PPFIBP1: variants seen among roughly 807,000 people sequenced by gnomAD.
The protein encoded by PPFIBP1 is liprin-beta-1.
PPFIBP1 carries 112 observed loss-of-function variants against 137.8 expected under a neutral mutation model. That is an observed-to-expected ratio of 0.81 (90% CI 0.70 to 0.95). The LOEUF (loss-of-function observed/expected upper bound fraction) is 0.95. Among genes scored for constraint, PPFIBP1 ranks in the 40% least tolerant of loss-of-function variants. The pLI is 0.00. For missense variants in PPFIBP1, 1,083 were observed against 1,196.6 expected, an observed-to-expected ratio of 0.91 and a Z score of 1.40; for synonymous variants, 378 against 417.3, an observed-to-expected ratio of 0.91 and a Z score of 1.15.
chr12:27,550,183 G>A (rs1172420032), intron 1 of PPFIBP1, among the ~76,000 whole-genome samples: 1 of 152,214 alleles, frequency 6.6e-6, no homozygotes, highest in Non-Finnish European at 1.5e-5. Context: ...CAGGGAGCTG[G>A]ACTCTATCAG....
rs545067406 is a variant in PPFIBP1, at chr12:27,669,893, A to G, written c.1147-1538A>G. 2.6e-5 allele frequency among the ~76,000 whole-genome samples: 4 copies of G among 152,290 alleles called. No homozygotes were observed. The South Asian group carries it at 8.3e-4, about 32-fold the overall frequency. ...CCAGTACATTCTCTTCTAGCTGATC[A>G]TATGTAGGGTTTTTGAGATGGTTGG... is the stretch of plus-strand genomic sequence containing the variant. On this transcript the variant is annotated intron_variant, in intron 13 of 29. Transcript: ENST00000228425.
At chr12:27,682,286 G>A in intron 22 of PPFIBP1, 101 bp from the exon 23 acceptor site, 2 of 802,946 alleles carry the variant, frequency 2.5e-6, no homozygotes, top group South Asian at 3.2e-5. Context: ...GTATTGAATT[G>A]GGTCTTTAAT....
intron 13 of PPFIBP1, among the ~76,000 whole-genome samples, chr12:27,668,029 G>A (rs936747358): frequency 6.6e-6 from 1 of 152,126 alleles, no homozygotes; most frequent in Non-Finnish European, 1.5e-5. Flanking sequence ...ATGAACAACT[G>A]ACAACATTAC....
At chr12:27,606,482 G>A (rs1406854784) in intron 2 of PPFIBP1, among the ~76,000 whole-genome samples, 4 of 152,178 alleles carry the variant, frequency 2.6e-5, no homozygotes, top group African/African-American at 9.7e-5. Flanking sequence ...CTATTTTGAT[G>A]TTTTCTTTTT....
In PPFIBP1 at chr12:27,660,888, C is replaced by T. The variant is rs759688929; in HGVS notation, c.849C>T (p.Ile283=). The T allele has an allele frequency of 6.2e-6, 10 of 1,612,812 alleles. No homozygotes were observed. The highest frequency in any genetic ancestry group is 1.1e-5 in the South Asian group (1 of 90,896). Residue 283 remains isoleucine, a synonymous_variant, in exon 11 of 30, where the codon ATC becomes ATT. Coordinates refer to ENST00000228425, the MANE Select transcript of PPFIBP1 (RefSeq NM_003622.4). The stretch of plus-strand genomic sequence containing the variant: ...CTGATTTGATGTTATTTTCAGACAT[C>T]GAAGTACAAAAAATGAAAAAAGCTG... ...NFKKKLKEKN[I]EVQKMKKAVE... is the part of the protein sequence containing the mutation.
chr12:27,674,994 TG>T (rs1225871504), intron 17 of PPFIBP1, among the ~76,000 whole-genome samples: 5 of 151,064 alleles, frequency 3.3e-5, no homozygotes, highest in African/African-American at 4.9e-5. Context: ...TTTTTTCGTT[TG>T]TTTTTTTTTT....
intron 4 of PPFIBP1, among the ~76,000 whole-genome samples, chr12:27,644,652 G>A (rs1280094082): frequency 6.6e-6 from 1 of 152,144 alleles, no homozygotes; most frequent in Non-Finnish European, 1.5e-5. Context: ...AATGGAAGTT[G>A]TCCAGGCCAC....
intron 13 of PPFIBP1, 33 bp downstream of exon 13, chr12:27,667,353 T>C (rs772430883): frequency 1.3e-6 from 2 of 1,521,586 alleles, no homozygotes; most frequent in Middle Eastern, 1.8e-4. Flanking sequence ...TCCTTTATGT[T>C]GAAGAGACTG....
At chr12:27,627,395 C>G (rs2056907880) in intron 2 of PPFIBP1, among the ~76,000 whole-genome samples, 1 of 152,142 alleles carries the variant, frequency 6.6e-6, no homozygotes. Flanking sequence ...GGCGTTCTAC[C>G]AGCATAGTCG....
Position 27,667,194 on chromosome 12 carries a change from C to T in PPFIBP1, c.1020C>T (p.Leu340=). ...KGKDGEYEEL[L]NSSSISSLLD... Reference sequence around the variant, plus strand: ...AAGATGGAGAATATGAAGAGCTGCTCAATTCCAGTTCCATCTCCTCTTTGC... The same window carrying T: ...AAGATGGAGAATATGAAGAGCTGCTTAATTCCAGTTCCATCTCCTCTTTGC... Residue 340 remains leucine, a synonymous_variant, in exon 13 of 30, where the codon CTC becomes CTT. Coordinates refer to ENST00000228425, the MANE Select transcript of PPFIBP1 (RefSeq NM_003622.4). The T allele has an allele frequency of 6.2e-7, 1 of 1,609,048 alleles. No individual in the cohort carries two copies. The highest frequency in any genetic ancestry group is 8.5e-7 in the Non-Finnish European group (1 of 1,177,880).
In PPFIBP1 at chr12:27,680,053, G is replaced by T. The variant is rs2060787529; in HGVS notation, c.1887G>T (p.Gln629His). ...TAGGTTGGTCTCGAGACTTGGGACA[G>T]TCTAACAGGTAAGAAGAGCCAACTG... ...PRLGWSRDLGQSNSDLDMPFA... is the reference protein window; with the variant it reads ...PRLGWSRDLGHSNSDLDMPFA... Residue 629 changes from glutamine (Q) to histidine (H), a missense_variant, in exon 21 of 30, where the codon CAG becomes CAT. By Grantham distance (24) the Gln-to-His change is conservative. Transcript: ENST00000228425. 6.2e-7 allele frequency: 1 copy of T among 1,613,896 alleles called. No homozygotes were observed. The highest frequency in any genetic ancestry group is 8.5e-7 in the Non-Finnish European group (1 of 1,179,932).
chr12:27,620,821 C>G (rs2056274998), intron 2 of PPFIBP1, among the ~76,000 whole-genome samples: 1 of 152,132 alleles, frequency 6.6e-6, no homozygotes, highest in South Asian at 2.1e-4. Context: ...TAATGTTATT[C>G]CTCTTGCTTG....
chr12:27,646,216 A>T, intron 5 of PPFIBP1, 68 bp downstream of exon 5: 2 of 1,251,394 alleles, frequency 1.6e-6, no homozygotes, highest in East Asian at 5.0e-5. Flanking sequence ...TTGGGGTGGC[A>T]AATTCAGATT....
chr12:27,529,913 C>A (rs989002946), intron 1 of PPFIBP1, among the ~76,000 whole-genome samples: 1 of 152,212 alleles, frequency 6.6e-6, no homozygotes, highest in Non-Finnish European at 1.5e-5. Context: ...TGCCTAGGAT[C>A]AAGCTCACTG....
At chr12:27,607,645 C>A (rs1222943422) in intron 2 of PPFIBP1, among the ~76,000 whole-genome samples, 1 of 152,276 alleles carries the variant, frequency 6.6e-6, no homozygotes, top group Non-Finnish European at 1.5e-5. Context: ...CTGGGGGCCA[C>A]ACTTTGAGAC....
At chr12:27,626,231 T>C (rs554003112) in intron 2 of PPFIBP1, among the ~76,000 whole-genome samples, 6 of 152,302 alleles carry the variant, frequency 3.9e-5, no homozygotes, top group South Asian at 4.1e-4. Flanking sequence ...ATCTCTAAAA[T>C]GTTGCACGCA....
chr12:27,667,229 A>G lies in PPFIBP1; in HGVS notation c.1055A>G (p.Gln352Arg), dbSNP rs766229824. 2.5e-6 allele frequency: 4 copies of G among 1,613,676 alleles called. No homozygotes were observed. The highest frequency in any genetic ancestry group is 4.5e-5 in the East Asian group (2 of 44,864). The part of the protein sequence containing the change: ...SSSISSLLDA[Q>R]GFSDLEKSPS... Reference sequence around the variant, plus strand: ...TCCATCTCCTCTTTGCTGGATGCACAGGGTTTCAGTGATCTGGAGAAAAGT... The same window carrying G: ...TCCATCTCCTCTTTGCTGGATGCACGGGGTTTCAGTGATCTGGAGAAAAGT... The change falls in exon 13 of 30, where the codon CAG becomes CGG. Residue 352 changes from glutamine (Q) to arginine (R), a missense_variant. Transcript: ENST00000228425.
At chr12:27,658,064 G>C (rs187945597) in intron 9 of PPFIBP1, among the ~76,000 whole-genome samples, 1 of 151,022 alleles carries the variant, frequency 6.6e-6, no homozygotes, top group East Asian at 1.9e-4. Context: ...TAAGGCCCAG[G>C]AGTTCGAGGC....
At chr12:27,598,309 A>G (rs1013584070) in intron 2 of PPFIBP1, among the ~76,000 whole-genome samples, 1 of 152,194 alleles carries the variant, frequency 6.6e-6, no homozygotes, top group African/African-American at 2.4e-5. Flanking sequence ...CACATCTTAC[A>G]TGGTGGCAGG....
Sources: gnomAD v4.1 joint callset for allele counts (sites outside exome capture counted in the v4.1 genomes callset) on GRCh38, gnomAD v4.1.1 for gene constraint, MANE v1.5 for transcripts, NCBI Gene and HGNC (gene_info 2026-07-23, HGNC 2026-07-21) for gene names.